Variants in CPNE2 observed in about 807,000 individuals in gnomAD.
CPNE2 encodes the protein copine-2.
A neutral mutation model predicts 69.7 loss-of-function variants in CPNE2; 42 were observed. The ratio of observed to expected loss-of-function variants is 0.60; its 90% confidence interval spans 0.47 to 0.78. The LOEUF is 0.78. Among genes scored for constraint, CPNE2 ranks in the 30% least tolerant of loss-of-function variants. CPNE2 has a pLI of 0.00. For missense variants in CPNE2, 587 were observed against 732.0 expected (o/e 0.80, Z 2.29); for synonymous variants, 294 against 289.8 (o/e 1.01, Z -0.15).
chr16:57,130,879 G>A lies in CPNE2; in HGVS notation c.1116+2976G>A, dbSNP rs2069833040. On this transcript the variant is annotated intron_variant, in intron 12 of 15. Transcript: ENST00000290776. This position sits in a 1 kb window ranked among gnomAD's most constrained non-coding sequence, Gnocchi z 4.1. ...TCTAAAGGCTGAGGAGGAGCCAGGA[G>A]AGGCGTGGAGGTGAATTGAAGCGGG... is the stretch of plus-strand genomic sequence containing the variant. 6.6e-6 allele frequency among the ~76,000 whole-genome samples: 1 copy of A among 152,064 alleles called. No individual in the cohort carries two copies. The highest frequency in any genetic ancestry group is 2.4e-5 in the African/African-American group (1 of 41,398).
At chr16:57,108,541 G>A (rs547096441) in intron 1 of CPNE2, among the ~76,000 whole-genome samples, 2 of 152,338 alleles carry the variant, frequency 1.3e-5, no homozygotes, top group South Asian at 4.1e-4. Context: ...TCAACCACTG[G>A]GATGACAGGG....
chr16:57,142,838 G>A (rs751522023), intron 14 of CPNE2: 1 of 152,190 alleles, frequency 6.6e-6, no homozygotes, highest in Non-Finnish European at 1.5e-5. Context: ...GAACTGTTGT[G>A]GTCAAGTCAA....
At chr16:57,133,776 C>G (rs1334077752) in intron 12 of CPNE2, among the ~76,000 whole-genome samples, 1 of 152,202 alleles carries the variant, frequency 6.6e-6, no homozygotes, top group Non-Finnish European at 1.5e-5. Context: ...TGGGAAAATT[C>G]TAGTCCACTC....
rs375518411 is a variant in CPNE2, at chr16:57,119,287, G to A, written c.591+9G>A. 1.4e-5 allele frequency: 23 copies of A among 1,613,474 alleles called. No homozygotes were observed. The highest frequency in any genetic ancestry group is 5.3e-5 in the African/African-American group (4 of 74,904). On this transcript the variant is annotated intron_variant, in intron 6 of 15. Transcript: ENST00000290776. ...TGGTCCACAGGACTGAGGTGGGTAC[G>A]TGGGGGCCCAGGGATCTCTAAGCAG...
chr16:57,114,749 G>C (rs2069705593), intron 3 of CPNE2, among the ~76,000 whole-genome samples: 2 of 151,990 alleles, frequency 1.3e-5, no homozygotes, highest in Admixed American at 1.3e-4. Context: ...TCCTCTCTAT[G>C]TTGTTTTGAT....
intron 1 of CPNE2, among the ~76,000 whole-genome samples, chr16:57,105,462 G>A (rs1303840427): frequency 6.6e-6 from 1 of 151,088 alleles, no homozygotes; most frequent in Admixed American, 6.6e-5. Context: ...TTAAGACAGG[G>A]TTTTGCTCTA....
At chr16:57,137,855 C>T (rs2069894455) in intron 14 of CPNE2, among the ~76,000 whole-genome samples, 1 of 152,242 alleles carries the variant, frequency 6.6e-6, no homozygotes, top group African/African-American at 2.4e-5. Flanking sequence ...CAGGCAGGCC[C>T]TACTGGCAGG....
At position 57,107,931 on chromosome 16, in the gene CPNE2, C is replaced by T. The variant is rs538265909; in HGVS notation, c.-35-2777C>T. Among the ~76,000 whole-genome samples the T allele has an allele frequency of 4.2e-5, 6 of 143,486 alleles. No individual in the cohort carries two copies. The East Asian group carries it at 6.2e-4, about 15-fold the overall frequency. The allele number at this position is 143,486 out of a possible 152,430, so 94.1% of individuals were successfully genotyped here. A position where few individuals can be genotyped will look rare whatever the true frequency, so the allele number is the denominator to read the frequency against. ...TGTTGCCCAGGCTGGAGTGCAGTGG[C>T]GCGATCTCAGCTCACAGCAATCTCC... On this transcript the variant is annotated intron_variant, in intron 1 of 15. Transcript: ENST00000290776.
chr16:57,110,879 C>A lies in CPNE2; in HGVS notation c.137C>A (p.Pro46His). The A allele has an allele frequency of 6.2e-7, 1 of 1,613,702 alleles. No individual in the cohort carries two copies. Among genetic ancestry groups the A allele is most frequent in the Non-Finnish European group, 8.5e-7 (1 of 1,179,756 alleles). The change falls in exon 2 of 16, where the codon CCC becomes CAC. Residue 46 changes from proline (P) to histidine (H), a missense_variant. Coordinates refer to ENST00000290776, the MANE Select transcript of CPNE2 (RefSeq NM_152727.6). ...LDRDVTSKSD[P>H]FCVLFTENNG... ...CGGGATGTTACCTCCAAGTCCGACC[C>A]CTTCTGTGTCCTCTTTACAGAGAAC...
intron 10 of CPNE2, 72 bp downstream of exon 10, chr16:57,123,545 T>A: frequency 6.7e-7 from 1 of 1,500,274 alleles, no homozygotes; most frequent in Non-Finnish European, 9.2e-7. Context: ...CTTGGGCCAC[T>A]AGTGCAGCCA....
At chr16:57,110,224 C>CTTTTTTTT (rs145923720) in intron 1 of CPNE2, among the ~76,000 whole-genome samples, 13 of 119,052 alleles carry the variant, frequency 1.1e-4, no homozygotes, top group African/African-American at 3.7e-4. Flanking sequence ...CTTTTCTTTT[C>CTTTTTTTT]TTTTTTTTTT....
chr16:57,114,464 G>A (rs1443991851), intron 3 of CPNE2, among the ~76,000 whole-genome samples: 1 of 152,124 alleles, frequency 6.6e-6, no homozygotes, highest in African/African-American at 2.4e-5. Flanking sequence ...CACGCCACCT[G>A]CTCTCCCGTC....
rs1419978114 is a variant in CPNE2, at chr16:57,097,686, T to TGAC, written c.-36+4898_-36+4900dup. 4.6e-5 allele frequency among the ~76,000 whole-genome samples: 7 copies of TGAC among 152,096 alleles called. No homozygotes were observed. In the East Asian group the frequency reaches 1.3e-3, roughly 29 times the overall value. On this transcript the variant is annotated intron_variant, in intron 1 of 15. Transcript: ENST00000290776. ...TGGGTGGGCAGGCAGTGGCAGCAGG[T>TGAC]GACGTCCCACCCAGGGGACCTCACA...
intron 1 of CPNE2, among the ~76,000 whole-genome samples, chr16:57,098,842 A>T (rs868078443): frequency 3.3e-5 from 5 of 152,210 alleles, no homozygotes; most frequent in Non-Finnish European, 7.3e-5. Flanking sequence ...GACGCTTCTA[A>T]GCCAATGGTT....
chr16:57,134,253 C>A (rs916570539), intron 12 of CPNE2, among the ~76,000 whole-genome samples: 2 of 152,210 alleles, frequency 1.3e-5, no homozygotes, highest in Admixed American at 1.3e-4. Context: ...CCCTTACACT[C>A]CCTGATCGCC....
At chr16:57,123,309 TGACCTCC>T in intron 9 of CPNE2, 98 bp from the exon 10 acceptor site, 1 of 1,178,260 alleles carries the variant, frequency 8.5e-7, no homozygotes, top group Admixed American at 1.8e-5. Flanking sequence ...CAGCTTTTTT[TGACCTCC>T]TTGTCCCTAC....
In CPNE2 at chr16:57,113,392, C is replaced by G; in HGVS notation, c.285C>G (p.Leu95=). The change falls in exon 3 of 16, where the codon CTC becomes CTG. Residue 95 remains leucine, a synonymous_variant. Transcript: ENST00000290776. ...AGGTACAGAAGCTCAAGTTCGCGCTCTTTGACCAGGACAAGTCCAGTATGC... is the reference window on the plus strand; with the variant it reads ...AGGTACAGAAGCTCAAGTTCGCGCTGTTTGACCAGGACAAGTCCAGTATGC... The part of the protein sequence containing the change: ...FEEVQKLKFA[L]FDQDKSSMRL... 2 of 1,614,200 alleles carry G rather than the reference C, an allele frequency of 1.2e-6. No individual in the cohort carries two copies. The highest frequency in any genetic ancestry group is 1.7e-6 in the Non-Finnish European group (2 of 1,180,042).
At chr16:57,140,253 C>T (rs1337151896) in intron 14 of CPNE2, among the ~76,000 whole-genome samples, 1 of 152,116 alleles carries the variant, frequency 6.6e-6, no homozygotes, top group South Asian at 2.1e-4. Context: ...TCACTGCAAC[C>T]TCCGCCTCCT....
chr16:57,121,467 G>A (rs1416140611), intron 8 of CPNE2, among the ~76,000 whole-genome samples: 3 of 152,254 alleles, frequency 2.0e-5, no homozygotes, highest in African/African-American at 7.2e-5. Context: ...GCCCTCAGCT[G>A]GACAGTTTGG....
Sources: allele counts gnomAD v4.1 joint callset (sites outside exome capture counted in the v4.1 genomes callset), GRCh38; gene constraint gnomAD v4.1.1; non-coding constraint Gnocchi (gnomAD v3.1); transcripts MANE v1.5; gene names NCBI Gene and HGNC (gene_info 2026-07-23, HGNC 2026-07-21).